GMEB1: variants seen among roughly 807,000 people sequenced by gnomAD.
The protein encoded by GMEB1 is glucocorticoid modulatory element-binding protein 1.
A neutral mutation model predicts 52.4 loss-of-function variants in GMEB1; 6 were observed. The observed-to-expected ratio is 0.11, with a 90% CI of 0.06 to 0.23. The LOEUF (loss-of-function observed/expected upper bound fraction) is 0.23. Ranked by LOEUF, GMEB1 falls within the 10% of genes least tolerant of loss-of-function variation. The pLI is 1.00. For synonymous variants in GMEB1, 255 were observed against 244.9 expected (o/e 1.04, Z -0.38); for missense variants, 486 against 685.6 (o/e 0.71, Z 3.25).
In GMEB1 at chr1:28,714,109, G is replaced by T; in HGVS notation, c.1028G>T (p.Gly343Val). 6.2e-7 allele frequency: 1 copy of T among 1,613,064 alleles called. No individual in the cohort carries two copies. The highest frequency in any genetic ancestry group is 1.1e-5 in the South Asian group (1 of 91,070). Residue 343 changes from glycine (G) to valine (V), a missense_variant, in exon 10 of 10, where the codon GGC becomes GTC. Physicochemically the swap from Gly to Val is moderately radical, Grantham distance 109. Coordinates refer to ENST00000373816, the MANE Select transcript of GMEB1 (RefSeq NM_001319674.2). ...ERQLEEQKKQ[G>V]QDHRLKSQTV... ...CAGTTGGAGGAGCAGAAGAAGCAAG[G>T]CCAGGATCACAGGCTGAAATCTCAG... is the stretch of plus-strand genomic sequence containing the variant.
chr1:28,671,017 C>T (rs867352760), intron 1 of GMEB1, among the ~76,000 whole-genome samples: 1 of 152,188 alleles, frequency 6.6e-6, no homozygotes. Context: ...CCCATCGCTC[C>T]CTCAAACATC....
At position 28,690,192 on chromosome 1, in the gene GMEB1, G is replaced by GT; in HGVS notation, c.211+6_211+7insT. ...CAAAATTGAAGAAGGGATTGGTAAG[G>GT]GTTTTTTTGTGTTTTTTTTTTTTTT... On this transcript the variant is annotated splice_region_variant and intron_variant, in intron 3 of 9. Transcript: ENST00000373816. The GT allele has an allele frequency of 2.6e-6, 3 of 1,135,094 alleles. No individual in the cohort carries two copies. The highest frequency in any genetic ancestry group is 3.8e-6 in the Non-Finnish European group (3 of 795,194). 70.3% of individuals were successfully genotyped at this position (1,135,094 alleles called of 1,614,324 possible).
Position 28,711,211 on chromosome 1 carries a change from G to A in GMEB1, c.991+569G>A, listed in dbSNP as rs1367587305. On this transcript the variant is annotated intron_variant, in intron 9 of 9. Coordinates refer to ENST00000373816, the MANE Select transcript of GMEB1 (RefSeq NM_001319674.2). ...TGAGGCAGGAGAAGGGCGTGAACCCGGGAGGCGGAGGTTTCAGTGAACCAA... is the reference window on the plus strand; with the variant it reads ...TGAGGCAGGAGAAGGGCGTGAACCCAGGAGGCGGAGGTTTCAGTGAACCAA... 3.3e-5 allele frequency among the ~76,000 whole-genome samples: 5 copies of A among 151,814 alleles called. No individual in the cohort carries two copies. The East Asian group carries it at 5.8e-4, about 18-fold the overall frequency.
intron 2 of GMEB1, among the ~76,000 whole-genome samples, chr1:28,689,134 C>T (rs980511827): frequency 2.0e-5 from 3 of 151,912 alleles, no homozygotes; most frequent in East Asian, 3.9e-4. Flanking sequence ...GTGATCCGCC[C>T]GCTTTGTCCT....
intron 6 of GMEB1, among the ~76,000 whole-genome samples, chr1:28,701,500 TC>T (rs769825058): frequency 1.3e-5 from 2 of 151,962 alleles, no homozygotes; most frequent in African/African-American, 2.4e-5. Flanking sequence ...GATCTCCTGA[TC>T]TCGTGATCCG....
chr1:28,672,575 A>G (rs1401801512), intron 1 of GMEB1, among the ~76,000 whole-genome samples: 1 of 151,464 alleles, frequency 6.6e-6, no homozygotes, highest in Non-Finnish European at 1.5e-5. Context: ...ATTTTTTGTT[A>G]TTATACTTTA....
At chr1:28,706,598 C>A (rs986090788) in intron 8 of GMEB1, among the ~76,000 whole-genome samples, 1 of 130,708 alleles carries the variant, frequency 7.7e-6, no homozygotes, top group African/African-American at 2.6e-5. Context: ...AGCGAGAGTC[C>A]GTCTCAAAAA....
intron 1 of GMEB1, among the ~76,000 whole-genome samples, chr1:28,674,811 C>T (rs1478718179): frequency 7.0e-5 from 9 of 128,888 alleles, no homozygotes; most frequent in Middle Eastern, 4.3e-3. Flanking sequence ...CTCCGCCTCC[C>T]GGGTTCACGC....
intron 2 of GMEB1, among the ~76,000 whole-genome samples, chr1:28,684,546 G>T (rs942272755): frequency 7.1e-6 from 1 of 141,236 alleles, no homozygotes; most frequent in Non-Finnish European, 1.5e-5. Context: ...CTGGGCGACA[G>T]AGCGAGACTC....
At chr1:28,707,459 G>A (rs551378896) in intron 8 of GMEB1, among the ~76,000 whole-genome samples, 1 of 152,230 alleles carries the variant, frequency 6.6e-6, no homozygotes, top group Non-Finnish European at 1.5e-5. Context: ...AGAGTGGGTA[G>A]CGGTAAAGTT....
chr1:28,683,237 T>A (rs907293062), intron 1 of GMEB1, among the ~76,000 whole-genome samples: 1 of 152,002 alleles, frequency 6.6e-6, no homozygotes, highest in South Asian at 2.1e-4. Flanking sequence ...TTTTCTTTTT[T>A]TTTTTGAGAC....
intron 1 of GMEB1, among the ~76,000 whole-genome samples, chr1:28,675,778 C>T (rs746033505): frequency 6.6e-6 from 1 of 152,058 alleles, no homozygotes; most frequent in Non-Finnish European, 1.5e-5. Flanking sequence ...TACTCCAAAG[C>T]CCCGAACGAT....
In GMEB1 at chr1:28,683,728, C is replaced by G; in HGVS notation, c.116C>G (p.Pro39Arg). ...TKTQVILQLQPVQQGIYEAGS... is the reference protein window; with the variant it reads ...TKTQVILQLQRVQQGIYEAGS... The stretch of plus-strand genomic sequence containing the variant: ...ACCCAAGTGATTTTGCAGTTACAGC[C>G]TGTGCAACAAGGGTAAGTGGCTAGA... Residue 39 changes from proline to arginine, a missense_variant, in exon 2 of 10, where the codon CCT becomes CGT. Pro to Arg is a moderately radical substitution (Grantham distance 103, BLOSUM62 -2). Around this residue, in one of 5 missense-constraint regions of GMEB1, gnomAD observed 88 missense variants for 96.5 expected, o/e 0.91. Coordinates refer to ENST00000373816, the MANE Select transcript of GMEB1 (RefSeq NM_001319674.2). The G allele has an allele frequency of 1.2e-6, 2 of 1,612,456 alleles. No individual in the cohort carries two copies. The highest frequency in any genetic ancestry group is 2.2e-5 in the East Asian group (1 of 44,764).
At chr1:28,695,668 G>A (rs1394022898) in intron 5 of GMEB1, among the ~76,000 whole-genome samples, 4 of 149,986 alleles carry the variant, frequency 2.7e-5, no homozygotes, top group Middle Eastern at 3.2e-3. Flanking sequence ...GCCGGGCGCG[G>A]TGGCTCACGC....
rs1006364102 is a variant in GMEB1 at position 28,683,681 on chromosome 1, G to T, written c.69G>T (p.Gly23=). 3 of 1,611,996 alleles carry T rather than the reference G, an allele frequency of 1.9e-6. No individual in the cohort carries two copies. The African/African-American group carries it at 4.0e-5, about 22-fold the overall frequency. ...TGGTACCTACTGAAGGAAATGAAGG[G>T]GAGAATCCTGAAGACACTAAAACCC... The part of the protein sequence containing the change: ...VVVVPTEGNE[G]ENPEDTKTQV... Residue 23 remains glycine (G), a synonymous_variant, in exon 2 of 10, where the codon GGG becomes GGT. Transcript: ENST00000373816.
At chr1:28,697,162 CATATATATATAT>C (rs71586855) in intron 6 of GMEB1, 78 bp downstream of exon 6, 9,990 of 148,244 alleles carry the variant, frequency 0.067, 422 homozygotes, top group Non-Finnish European at 0.075. Context: ...CTTGTGTGTA[CATATATATATAT>C]ATATATATAT....
chr1:28,706,157 AAAAT>A (rs144208028), intron 8 of GMEB1, among the ~76,000 whole-genome samples: 57,803 of 149,938 alleles, frequency 0.39, 12,441 homozygotes, highest in East Asian at 0.76. Flanking sequence ...CTCCATCTCA[AAAAT>A]AAATAAATAA....
intron 5 of GMEB1, among the ~76,000 whole-genome samples, chr1:28,694,674 GTT>G (rs963376728): frequency 1.4e-5 from 2 of 144,760 alleles, no homozygotes; most frequent in African/African-American, 2.5e-5. Context: ...CTTAACATAG[GTT>G]TTTTTTTTTT....
Position 28,701,469 on chromosome 1 carries a change from C to T in GMEB1, c.599-969C>T, listed in dbSNP as rs181367988. Among the ~76,000 whole-genome samples the T allele has an allele frequency of 3.4e-3, 510 of 152,022 alleles. 3 individuals carry two copies. The highest frequency in any genetic ancestry group is 0.012 in the African/African-American group (493 of 41,494). Reference sequence around the variant, plus strand: ...TATTTTTATAGAGACGGGGTTTCACCGTGTTAACCAGGATGGTCTCGATCT... The same window carrying T: ...TATTTTTATAGAGACGGGGTTTCACTGTGTTAACCAGGATGGTCTCGATCT... On this transcript the variant is annotated intron_variant, in intron 6 of 9. Coordinates refer to ENST00000373816, the MANE Select transcript of GMEB1 (RefSeq NM_001319674.2).
Sources: gnomAD v4.1 joint callset for allele counts (sites outside exome capture counted in the v4.1 genomes callset) on GRCh38, gnomAD v4.1.1 for gene constraint, gnomAD v4.1.1 regional missense constraint, MANE v1.5 for transcripts, NCBI Gene and HGNC (gene_info 2026-07-23, HGNC 2026-07-21) for gene names.